Variants in IL18RAP observed in about 807,000 individuals in gnomAD.
IL18RAP encodes interleukin 18 receptor accessory protein, also known as interleukin-18 receptor accessory protein.
IL18RAP carries 37 observed loss-of-function variants against 58.1 expected under a neutral mutation model. The observed-to-expected ratio is 0.64, with a 90% CI of 0.49 to 0.84. The LOEUF is 0.84. Ranked by LOEUF, IL18RAP falls within the 40% of genes least tolerant of loss-of-function variation. The pLI is 0.00. For missense variants in IL18RAP, 667 were observed against 704.8 expected, an observed-to-expected ratio of 0.95 and a Z score of 0.61; for synonymous variants, 268 against 257.5, an observed-to-expected ratio of 1.04 and a Z score of -0.39.
intron 3 of IL18RAP, among the ~76,000 whole-genome samples, chr2:102,426,565 T>C (rs6717498): frequency 0.037 from 5,618 of 152,102 alleles, 351 homozygotes; most frequent in African/African-American, 0.13. Context: ...GAACTCACAA[T>C]GGGGAAAGGA....
chr2:102,451,244 C>A (rs1683745945), intron 9 of IL18RAP, among the ~76,000 whole-genome samples: 2 of 152,218 alleles, frequency 1.3e-5, no homozygotes, highest in African/African-American at 4.8e-5. Context: ...CCTAGGCAGT[C>A]CTTCTAGGAC....
rs757096779 is a variant in IL18RAP, at chr2:102,450,855, G to A, written c.1218G>A (p.Lys406=). ...AATTTTCCTATTCTTCAGATAAAAA[G>A]GATTTTGATGCTTTCGTATCCTATG... is the stretch of plus-strand genomic sequence containing the variant. ...QSKDQTLGDK[K]DFDAFVSYAK... Residue 406 remains lysine, a synonymous_variant, in exon 9 of 10, where the codon AAG becomes AAA. Transcript: ENST00000687160. 6.4e-7 allele frequency: 1 copy of A among 1,572,172 alleles called. No individual in the cohort carries two copies. The highest frequency in any genetic ancestry group is 8.6e-7 in the Non-Finnish European group (1 of 1,165,170).
rs750916903 is a variant in IL18RAP, at chr2:102,452,076, G to T, written c.1695G>T (p.Gln565His). ...ACCACATGCCTGTGAAAAACTCTCA[G>T]GGATTCACGTGGAACCAGCTCAGAA... ...MRYHMPVKNSQGFTWNQLRIT... is the reference protein window; with the variant it reads ...MRYHMPVKNSHGFTWNQLRIT... The change falls in exon 10 of 10, where the codon CAG becomes CAT. Residue 565 changes from glutamine to histidine, a missense_variant. Coordinates refer to ENST00000687160, the MANE Select transcript of IL18RAP (RefSeq NM_001393487.1). 2.5e-6 allele frequency: 4 copies of T among 1,614,094 alleles called. No individual in the cohort carries two copies. In the East Asian group the frequency reaches 8.9e-5, roughly 36 times the overall value.
Position 102,424,327 on chromosome 2 carries a change from C to T in IL18RAP, c.492C>T (p.Asp164=). ...AGTATTCCGCATCACATAAGCAAGA[C>T]CTACTTCTTGGGAGCACTGGCTCTA... The part of the protein sequence containing the change: ...SCEYSASHKQ[D]LLLGSTGSIS... Residue 164 remains aspartate, a synonymous_variant, in exon 3 of 10, where the codon GAC becomes GAT. Coordinates refer to ENST00000687160, the MANE Select transcript of IL18RAP (RefSeq NM_001393487.1). The T allele has an allele frequency of 6.2e-7, 1 of 1,614,056 alleles. No homozygotes were observed. The highest frequency in any genetic ancestry group is 1.1e-5 in the South Asian group (1 of 91,086).
At chr2:102,447,663 G>C (rs2104382190) in intron 8 of IL18RAP, among the ~76,000 whole-genome samples, 1 of 151,940 alleles carries the variant, frequency 6.6e-6, no homozygotes, top group East Asian at 1.9e-4. Flanking sequence ...ATGCTGTGAG[G>C]GCTCACTGAT....
chr2:102,447,566 TA>T (rs1049950722), intron 8 of IL18RAP, among the ~76,000 whole-genome samples: 1 of 152,082 alleles, frequency 6.6e-6, no homozygotes, highest in Non-Finnish European at 1.5e-5. Flanking sequence ...ATAACCAACC[TA>T]AAGCAATAGG....
At chr2:102,419,108 A>G (rs1199756224), upstream of IL18RAP, among the ~76,000 whole-genome samples, 2 of 152,238 alleles carry the variant, frequency 1.3e-5, no homozygotes, top group African/African-American at 2.4e-5. Context: ...ACATCTCCAT[A>G]TATACGGAGT....
chr2:102,447,270 A>G (rs1257165497), intron 8 of IL18RAP, 63 bp downstream of exon 8: 3 of 1,553,580 alleles, frequency 1.9e-6, no homozygotes, highest in Admixed American at 3.6e-5. Flanking sequence ...GGAGCAGGAC[A>G]ACAGAAAATA....
At chr2:102,434,659 C>T (rs1217469961) in intron 3 of IL18RAP, 1 of 152,202 alleles carries the variant, frequency 6.6e-6, no homozygotes, top group Non-Finnish European at 1.5e-5. Context: ...GCTTAATTAA[C>T]TAAAAGGGCA....
chr2:102,445,243 A>C lies in IL18RAP; in HGVS notation c.975A>C (p.Lys325Asn), dbSNP rs761514324. Residue 325 changes from lysine to asparagine, a missense_variant, in exon 7 of 10, where the codon AAA becomes AAC. Transcript: ENST00000687160. ...EIIERNIILE[K>N]VTQRDLRRKF... ...TTGAGCGTAATATCATCTTGGAAAA[A>C]GTCACTCAGCGTGATCTTCGCAGGA... 10 of 1,614,128 alleles carry C rather than the reference A, an allele frequency of 6.2e-6. 1 individual carries two copies. The South Asian group carries it at 1.1e-4, about 18-fold the overall frequency.
intron 8 of IL18RAP, among the ~76,000 whole-genome samples, chr2:102,447,911 A>G (rs1457152819): frequency 1.3e-5 from 2 of 151,998 alleles, no homozygotes; most frequent in Non-Finnish European, 2.9e-5. Flanking sequence ...TTGTGTTTTT[A>G]GTAGAGACTG....
intron 3 of IL18RAP, among the ~76,000 whole-genome samples, chr2:102,425,213 T>A (rs1681863172): frequency 1.3e-5 from 2 of 152,230 alleles, no homozygotes; most frequent in Admixed American, 1.3e-4. Context: ...CAGAATTTTG[T>A]ATTCAACCTC....
chr2:102,420,189 G>A (rs1235460246), upstream of IL18RAP, among the ~76,000 whole-genome samples: 1 of 152,174 alleles, frequency 6.6e-6, no homozygotes, highest in African/African-American at 2.4e-5. Flanking sequence ...TACAATGCTG[G>A]CAACAGCTAC....
chr2:102,437,994 C>T (rs1682861215), intron 4 of IL18RAP, among the ~76,000 whole-genome samples: 2 of 152,242 alleles, frequency 1.3e-5, no homozygotes, highest in South Asian at 4.2e-4. Flanking sequence ...CCTTTGTTCC[C>T]AAATAATACT....
intron 4 of IL18RAP, 115 bp downstream of exon 4, chr2:102,437,477 A>C (rs1445054920): frequency 4.0e-6 from 4 of 994,956 alleles, no homozygotes; most frequent in African/African-American, 3.3e-5. Context: ...ATATACTTGT[A>C]ATCATGTAAA....
intron 8 of IL18RAP, among the ~76,000 whole-genome samples, chr2:102,447,954 G>C (rs1056204635): frequency 6.6e-6 from 1 of 152,010 alleles, no homozygotes; most frequent in Non-Finnish European, 1.5e-5. Context: ...GGCTGGTCTC[G>C]AACTCCTGAC....
At chr2:102,423,134 T>G, upstream of IL18RAP, 1 of 826,888 alleles carries the variant, frequency 1.2e-6, no homozygotes, top group Non-Finnish European at 2.0e-6. Flanking sequence ...ATGCACTTTG[T>G]TCACTGGTTC....
intron 4 of IL18RAP, among the ~76,000 whole-genome samples, chr2:102,438,140 T>A (rs555471342): frequency 6.6e-6 from 1 of 152,264 alleles, no homozygotes; most frequent in East Asian, 1.9e-4. Flanking sequence ...ATTGGCTTTC[T>A]TCCGCAACTT....
At chr2:102,448,008 A>G (rs961300208) in intron 8 of IL18RAP, among the ~76,000 whole-genome samples, 1 of 152,198 alleles carries the variant, frequency 6.6e-6, no homozygotes, top group Non-Finnish European at 1.5e-5. Context: ...TGCTGGGATT[A>G]CAGCCGTGAG....
Sources: allele counts gnomAD v4.1 joint callset (sites outside exome capture counted in the v4.1 genomes callset), GRCh38; gene constraint gnomAD v4.1.1; transcripts MANE v1.5; gene names NCBI Gene and HGNC (gene_info 2026-07-23, HGNC 2026-07-21).